Variants in FGF14 observed in about 807,000 individuals in gnomAD.
The protein encoded by FGF14 is fibroblast growth factor homologous factor 4.
A neutral mutation model predicts 25.5 loss-of-function variants in FGF14; 5 were observed. The ratio of observed to expected loss-of-function variants is 0.20; its 90% CI spans 0.10 to 0.41. The LOEUF is 0.41. Among genes scored for constraint, FGF14 ranks in the 10% least tolerant of loss-of-function variants. The pLI, the probability that FGF14 is intolerant of heterozygous loss-of-function variation, is 1.00. For missense variants in FGF14, 222 were observed against 320.1 expected (o/e 0.69, Z 2.34); for synonymous variants, 138 against 118.3 (o/e 1.17, Z -1.08).
At chr13:102,084,500 A>C (rs908046890) in intron 1 of FGF14, among the ~76,000 whole-genome samples, 1 of 152,116 alleles carries the variant, frequency 6.6e-6, no homozygotes, top group African/African-American at 2.4e-5. Context: ...TATAATAGAG[A>C]TTCAGGGAGA....
chr13:102,388,427 CAACA>C (rs2058356142), intron 1 of FGF14, among the ~76,000 whole-genome samples: 1 of 152,212 alleles, frequency 6.6e-6, no homozygotes, highest in South Asian at 2.1e-4. Context: ...CTCACATTCT[CAACA>C]AACCATCTAT....
At chr13:102,037,139 A>G (rs1357956033) in intron 1 of FGF14, among the ~76,000 whole-genome samples, 1 of 152,150 alleles carries the variant, frequency 6.6e-6, no homozygotes, top group Non-Finnish European at 1.5e-5. Context: ...TATAACTCTT[A>G]ACTAGATTTT....
chr13:102,027,300 G>A (rs907356765), intron 1 of FGF14, among the ~76,000 whole-genome samples: 1 of 150,558 alleles, frequency 6.6e-6, no homozygotes. Context: ...ATATAATATA[G>A]ATAATGACTA....
At chr13:101,978,887 C>T (rs554889990) in intron 1 of FGF14, among the ~76,000 whole-genome samples, 1 of 152,296 alleles carries the variant, frequency 6.6e-6, no homozygotes, top group South Asian at 2.1e-4. Flanking sequence ...TATCACACAC[C>T]ACACCTGCCA....
At chr13:102,044,797 CA>C in intron 1 of FGF14, among the ~76,000 whole-genome samples, 1 of 152,176 alleles carries the variant, frequency 6.6e-6, no homozygotes, top group East Asian at 1.9e-4. Flanking sequence ...TTTCCAACAT[CA>C]AAATTTCAAG....
intron 3 of FGF14, among the ~76,000 whole-genome samples, chr13:101,743,674 A>C (rs2139797319): frequency 6.6e-6 from 1 of 152,316 alleles, no homozygotes; most frequent in African/African-American, 2.4e-5. Context: ...CAACGAAGCA[A>C]TGTCTATGCT....
chr13:102,357,607 C>A (rs2057455153), intron 1 of FGF14, among the ~76,000 whole-genome samples: 1 of 152,142 alleles, frequency 6.6e-6, no homozygotes, highest in Non-Finnish European at 1.5e-5. Flanking sequence ...TAAATAATTT[C>A]TCTATGTTTC....
chr13:102,369,518 G>T (rs971380365), intron 1 of FGF14, among the ~76,000 whole-genome samples: 1 of 152,146 alleles, frequency 6.6e-6, no homozygotes, highest in East Asian at 1.9e-4. Flanking sequence ...TGGTGACACA[G>T]GATCTGGCTG....
intron 3 of FGF14, among the ~76,000 whole-genome samples, chr13:101,744,196 T>C (rs966772226): frequency 6.6e-6 from 1 of 152,174 alleles, no homozygotes; most frequent in Non-Finnish European, 1.5e-5. Context: ...GGGTGATTTT[T>C]TTATTGTATA....
At chr13:101,899,131 T>C (rs2138966536) in intron 1 of FGF14, among the ~76,000 whole-genome samples, 1 of 152,172 alleles carries the variant, frequency 6.6e-6, no homozygotes, top group African/African-American at 2.4e-5. Flanking sequence ...AGCACACACA[T>C]ATATGTGAAA....
chr13:102,326,746 GGAAGGAAA>G lies in FGF14; in HGVS notation c.208+74717_208+74724del, dbSNP rs1452802679. ...AGGAAGGAAGGAAGGAAGGAAGGAA[GGAAGGAAA>G]GAGGGAGGGAAGGAAGGAAGAAAAA... On this transcript the variant is annotated intron_variant, in intron 1 of 4. Coordinates refer to the FGF14 transcript ENST00000376131. Among the ~76,000 whole-genome samples the G allele has an allele frequency of 2.4e-3, 222 of 93,922 alleles. 9 individuals carry two copies. Among genetic ancestry groups the G allele is most frequent in the African/African-American group, 8.9e-3 (204 of 22,970 alleles). 61.6% of individuals were successfully genotyped at this position (93,922 alleles called of 152,430 possible). A position where few individuals can be genotyped will look rare whatever the true frequency, so the allele number is the denominator to read the frequency against.
intron 1 of FGF14, among the ~76,000 whole-genome samples, chr13:102,259,278 G>T (rs2052598932): frequency 6.6e-6 from 1 of 152,146 alleles, no homozygotes; most frequent in African/African-American, 2.4e-5. Context: ...CACAAACTGA[G>T]CCCCTCACAG....
At position 101,763,863 on chromosome 13, in the gene FGF14, A is replaced by AAAAC. The variant is rs555541607; in HGVS notation, c.409-37057_409-37054dup. ...CAACAAGAATGAAACTCTGTCTCAA[A>AAAAC]AAACAAACAAACAAACAAACAAAAC... On this transcript the variant is annotated intron_variant, in intron 3 of 4. Transcript: ENST00000376143. Among the ~76,000 whole-genome samples the AAAAC allele has an allele frequency of 6.8e-4, 103 of 152,104 alleles. 1 individual carries two copies. The highest frequency in any genetic ancestry group is 1.2e-3 in the Admixed American group (18 of 15,278).
intron 1 of FGF14, among the ~76,000 whole-genome samples, chr13:101,966,324 G>C (rs922922868): frequency 2.0e-5 from 3 of 152,112 alleles, no homozygotes; most frequent in Non-Finnish European, 1.5e-5. Flanking sequence ...GATGATTTAC[G>C]AGACAAAGAA....
At chr13:102,285,201 C>T (rs1423091964) in intron 1 of FGF14, among the ~76,000 whole-genome samples, 1 of 152,162 alleles carries the variant, frequency 6.6e-6, no homozygotes, top group Non-Finnish European at 1.5e-5. Flanking sequence ...CTCTGGTGAT[C>T]TGATTAATGT....
At chr13:102,296,511 G>C (rs2054721032) in intron 1 of FGF14, among the ~76,000 whole-genome samples, 1 of 152,056 alleles carries the variant, frequency 6.6e-6, no homozygotes, top group Admixed American at 6.6e-5. Flanking sequence ...CTAAATTTTT[G>C]CTAAGTGCAC....
intron 1 of FGF14, among the ~76,000 whole-genome samples, chr13:102,209,522 T>C (rs2050076178): frequency 1.3e-5 from 2 of 152,222 alleles, no homozygotes; most frequent in African/African-American, 2.4e-5. Flanking sequence ...TAGACAGGGC[T>C]GTACACCAGC....
intron 1 of FGF14, among the ~76,000 whole-genome samples, chr13:102,399,993 T>G (rs1051526515): frequency 3.9e-5 from 6 of 152,106 alleles, no homozygotes; most frequent in African/African-American, 1.4e-4. Flanking sequence ...AGTTTCTCCT[T>G]TGCTGCAGGA....
chr13:101,955,292 C>T (rs2036444123), intron 1 of FGF14, among the ~76,000 whole-genome samples: 1 of 152,222 alleles, frequency 6.6e-6, no homozygotes, highest in African/African-American at 2.4e-5. Flanking sequence ...TTAAATCGTT[C>T]TACACTGCAA....
Sources: gnomAD v4.1 joint callset for allele counts (sites outside exome capture counted in the v4.1 genomes callset) on GRCh38, gnomAD v4.1.1 for gene constraint, MANE v1.5 for transcripts, NCBI Gene and HGNC (gene_info 2026-07-23, HGNC 2026-07-21) for gene names.